The following ELP6 variants were observed in gnomAD, a reference collection of about 807,000 sequenced individuals.
The protein encoded by ELP6 is elongator acetyltransferase complex subunit 6.
Under a neutral mutation model 28.1 loss-of-function variants are expected in ELP6, and 23 were observed. That is an observed-to-expected ratio of 0.82 (90% CI 0.59 to 1.16). ELP6 has a LOEUF of 1.16. ELP6 is among the 50% of genes most tolerant of loss of function. The pLI, the probability that ELP6 is intolerant of heterozygous loss-of-function variation, is 0.00. For missense variants in ELP6, 313 were observed against 334.6 expected (o/e 0.94, Z 0.50); for synonymous variants, 132 against 135.8 (o/e 0.97, Z 0.19).
intron 4 of ELP6, chr3:47,502,504 A>C (rs1249019004): frequency 3.0e-6 from 3 of 984,580 alleles, no homozygotes; most frequent in Non-Finnish European, 3.6e-6. Context: ...TGGATTGGGC[A>C]GGCGGAAACC....
At position 47,513,669 on chromosome 3, in the gene ELP6, C is replaced by A. The variant is rs1015184801; in HGVS notation, c.-79G>T. 3.2e-6 allele frequency: 5 copies of A among 1,564,536 alleles called. No individual in the cohort carries two copies. Among genetic ancestry groups the A allele is most frequent in the Non-Finnish European group, 4.4e-6 (5 of 1,146,004 alleles). ...GACGGAGGCTGGAGAGCAAAACACA[C>A]CCGACAGCCCGGCTCGCGCAAGGAA... On this transcript the variant is annotated 5_prime_UTR_variant, in exon 1 of 7. Transcript: ENST00000296149.
intron 3 of ELP6, 128 bp from the exon 4 acceptor site, chr3:47,504,576 A>G (rs533633615): frequency 7.6e-7 from 1 of 1,311,270 alleles, no homozygotes; most frequent in South Asian, 2.4e-5. Context: ...CCCAATGTAC[A>G]GGCCTGTCTT....
chr3:47,501,895 AG>A, intron 4 of ELP6, 44 bp from the exon 5 acceptor site: 1 of 1,572,560 alleles, frequency 6.4e-7, no homozygotes, highest in African/African-American at 1.4e-5. Flanking sequence ...CTCTCTCTAC[AG>A]ATGTTTATCA....
intron 3 of ELP6, among the ~76,000 whole-genome samples, chr3:47,505,390 C>G (rs963569189): frequency 1.3e-5 from 2 of 151,898 alleles, no homozygotes; most frequent in Non-Finnish European, 2.9e-5. Context: ...TTACTTGTCA[C>G]TGACTTGAAG....
At chr3:47,505,214 C>T (rs1490758389) in intron 3 of ELP6, among the ~76,000 whole-genome samples, 2 of 151,492 alleles carry the variant, frequency 1.3e-5, no homozygotes, top group African/African-American at 4.9e-5. Context: ...TGCATTGAGC[C>T]GAGATCTCAC....
chr3:47,502,477 A>T (rs1412570860), intron 4 of ELP6: 3 of 984,636 alleles, frequency 3.0e-6, no homozygotes, highest in Non-Finnish European at 3.6e-6. Context: ...GAGCTTAAGG[A>T]ATCTGGAAGA....
chr3:47,501,918 G>A (rs1708672097), intron 4 of ELP6, 67 bp from the exon 5 acceptor site: 1 of 1,463,254 alleles, frequency 6.8e-7, no homozygotes, highest in Admixed American at 2.0e-5. Context: ...GGACCAAGTA[G>A]CACGACAGGA....
In ELP6 at chr3:47,496,058, C is replaced by A; in HGVS notation, c.*11G>T. 1.2e-6 allele frequency: 2 copies of A among 1,614,060 alleles called. No individual in the cohort carries two copies. Among genetic ancestry groups the A allele is most frequent in the South Asian group, 1.1e-5 (1 of 91,052 alleles). On this transcript the variant is annotated 3_prime_UTR_variant, in exon 7 of 7. Transcript: ENST00000296149. ...ACAGTCCTATGTAGCTTCAGCTGCT[C>A]CGAAATCAGGTCACAGAACAGCAGG...
intron 5 of ELP6, chr3:47,498,677 A>G: frequency 2.0e-6 from 2 of 985,306 alleles, no homozygotes; most frequent in Non-Finnish European, 2.4e-6. Context: ...ATCTAAACCA[A>G]CAGTCTTCAA....
rs540740692 is a variant in ELP6 at position 47,503,439 on chromosome 3, T to G, written c.323+891A>C. 8.1e-5 allele frequency: 105 copies of G among 1,289,744 alleles called. 2 individuals carry two copies. The South Asian group carries it at 1.3e-3, about 15-fold the overall frequency. 79.9% of individuals were successfully genotyped at this position (1,289,744 alleles called of 1,614,324 possible). On this transcript the variant is annotated intron_variant, in intron 4 of 6. Coordinates refer to ENST00000296149, the MANE Select transcript of ELP6 (RefSeq NM_001031703.3). ...AATACCAAACCAGGGGAAAAATTTT[T>G]TCTTAAATGTCTGAAAAGTAAATAT...
intron 6 of ELP6, chr3:47,496,488 T>C: frequency 1.0e-6 from 1 of 982,178 alleles, no homozygotes; most frequent in East Asian, 1.1e-4. Context: ...CCTTAAAGTA[T>C]TTTTATGTTT....
chr3:47,505,504 A>C lies in ELP6; in HGVS notation c.205-1056T>G, dbSNP rs572756785. ...ACTGCAACCTCTGCCTCCTAGGTTC[A>C]AGCGATTCTTGTGCCTCAACCTCTT... On this transcript the variant is annotated intron_variant, in intron 3 of 6. Coordinates refer to ENST00000296149, the MANE Select transcript of ELP6 (RefSeq NM_001031703.3). 4.6e-5 allele frequency among the ~76,000 whole-genome samples: 7 copies of C among 152,250 alleles called. No homozygotes were observed. The South Asian group carries it at 1.2e-3, about 27-fold the overall frequency.
intron 1 of ELP6, chr3:47,512,574 C>A (rs1709045876): frequency 1.0e-6 from 1 of 978,084 alleles, no homozygotes; most frequent in Non-Finnish European, 1.2e-6. Context: ...AATAAATAAG[C>A]CAAAAGATAC....
At chr3:47,509,665 A>G (rs1708954471) in intron 3 of ELP6, among the ~76,000 whole-genome samples, 1 of 152,236 alleles carries the variant, frequency 6.6e-6, no homozygotes, top group African/African-American at 2.4e-5. Flanking sequence ...GAAAGGTTTG[A>G]TTAATTAACA....
chr3:47,502,191 T>C (rs191734361), intron 4 of ELP6, among the ~76,000 whole-genome samples: 2 of 151,844 alleles, frequency 1.3e-5, no homozygotes, highest in African/African-American at 4.8e-5. Flanking sequence ...GGTGGATCAC[T>C]TGAGGTGAGG....
In ELP6 at chr3:47,498,093, C is replaced by T. The variant is rs925313608; in HGVS notation, c.672+193G>A. ...TCACAAATGGGACCCCCATGGAAAA[C>T]GTGGGCTGGTCCATGAGGCTAAGCG... On this transcript the variant is annotated intron_variant, in intron 6 of 6. Coordinates refer to ENST00000296149, the MANE Select transcript of ELP6 (RefSeq NM_001031703.3). The T allele has an allele frequency of 4.2e-5, 58 of 1,371,160 alleles. 1 individual carries two copies. In the Middle Eastern group the frequency reaches 5.6e-4, roughly 13 times the overall value. 84.9% of individuals were successfully genotyped at this position (1,371,160 alleles called of 1,614,324 possible).
At chr3:47,500,676 C>G (rs1240888530) in intron 5 of ELP6, among the ~76,000 whole-genome samples, 1 of 152,128 alleles carries the variant, frequency 6.6e-6, no homozygotes, top group African/African-American at 2.4e-5. Flanking sequence ...CCTTCCACAC[C>G]CCTAACAGTT....
intron 1 of ELP6, chr3:47,513,180 G>C (rs750385718): frequency 4.5e-5 from 44 of 976,666 alleles, no homozygotes; most frequent in Non-Finnish European, 5.4e-5. Flanking sequence ...TCGTAGAGAC[G>C]GGGGTTTCAC....
At chr3:47,511,705 C>T in intron 1 of ELP6, 1 of 707,050 alleles carries the variant, frequency 1.4e-6, no homozygotes, top group Non-Finnish European at 1.8e-6. Context: ...GAAGCAGTTG[C>T]TGATACAGAT....
Sources: allele counts gnomAD v4.1 joint callset (sites outside exome capture counted in the v4.1 genomes callset), GRCh38; gene constraint gnomAD v4.1.1; transcripts MANE v1.5; gene names NCBI Gene and HGNC (gene_info 2026-07-23, HGNC 2026-07-21).